DPH6: variants seen among roughly 807,000 people sequenced by gnomAD.
DPH6 encodes diphthine--ammonia ligase.
DPH6 carries 33 observed loss-of-function variants against 38.2 expected under a neutral mutation model. The ratio of observed to expected loss-of-function variants is 0.86; its 90% CI spans 0.65 to 1.15. The LOEUF is 1.15. Ranked by LOEUF, DPH6 falls within the 50% of genes most tolerant of loss-of-function variation. The probability of loss-of-function intolerance (pLI) is 0.00; values close to 1 mark genes in which losing one functional copy is unlikely to be tolerated. For synonymous variants in DPH6, 108 were observed against 103.0 expected (o/e 1.05, Z -0.30); for missense variants, 325 against 320.0 (o/e 1.02, Z -0.12).
chr15:35,317,001 T>C (rs947919136), intron 3 of DPH6, among the ~76,000 whole-genome samples: 2 of 152,198 alleles, frequency 1.3e-5, no homozygotes, highest in East Asian at 3.9e-4. Context: ...CTCAACCCTG[T>C]AATCCCAGCT....
intron 3 of DPH6, among the ~76,000 whole-genome samples, chr15:35,248,917 A>G (rs318334): frequency 6.6e-6 from 1 of 152,182 alleles, no homozygotes; most frequent in South Asian, 2.1e-4. Flanking sequence ...GCAAGTAATA[A>G]TTAAAGTTTC....
intron 3 of DPH6, among the ~76,000 whole-genome samples, chr15:35,295,274 A>G (rs1478646848): frequency 2.0e-5 from 3 of 152,128 alleles, no homozygotes; most frequent in Non-Finnish European, 2.9e-5. Context: ...CTTGGACCCT[A>G]TGGAAATCAG....
At chr15:35,311,665 CTT>C (rs901280696) in intron 3 of DPH6, among the ~76,000 whole-genome samples, 4 of 152,116 alleles carry the variant, frequency 2.6e-5, no homozygotes, top group East Asian at 1.9e-4. Flanking sequence ...GAAATGTTCT[CTT>C]GTTTTGACTT....
chr15:35,336,760 G>A (rs533590902), intron 3 of DPH6, among the ~76,000 whole-genome samples: 45 of 152,200 alleles, frequency 3.0e-4, no homozygotes, highest in African/African-American at 4.6e-4. Context: ...ATTGATTTGC[G>A]TATATTGAAA....
At chr15:35,237,343 G>T (rs2051560535) in intron 3 of DPH6, 2 of 1,593,694 alleles carry the variant, frequency 1.3e-6, no homozygotes, top group Middle Eastern at 3.3e-4. Flanking sequence ...TGGGCAGACG[G>T]ATTCATTTAG....
downstream of DPH6, among the ~76,000 whole-genome samples, chr15:35,329,870 T>C (rs907334443): frequency 2.0e-5 from 3 of 152,156 alleles, no homozygotes; most frequent in African/African-American, 7.2e-5. Flanking sequence ...CAGTAATGTG[T>C]TGAAAGAAAT....
chr15:35,150,162 C>T, the DPH6 span, among the ~76,000 whole-genome samples: 1 of 152,098 alleles, frequency 6.6e-6, no homozygotes, highest in African/African-American at 2.4e-5. Flanking sequence ...AAGATTTTTG[C>T]AAATAGAGAC....
intron 5 of DPH6, among the ~76,000 whole-genome samples, chr15:35,434,284 CT>C (rs1193726415): frequency 6.6e-6 from 1 of 152,050 alleles, no homozygotes; most frequent in Non-Finnish European, 1.5e-5. Flanking sequence ...ACTATTACAA[CT>C]TTGATGTTGA....
intron 6 of DPH6, among the ~76,000 whole-genome samples, chr15:35,391,061 G>C (rs1384403750): frequency 6.6e-6 from 1 of 152,178 alleles, no homozygotes; most frequent in East Asian, 1.9e-4. Flanking sequence ...CCTTCTAACA[G>C]TCAGGACCCT....
intron 3 of DPH6, among the ~76,000 whole-genome samples, chr15:35,229,799 T>A (rs1303211504): frequency 6.6e-6 from 1 of 152,220 alleles, no homozygotes; most frequent in Non-Finnish European, 1.5e-5. Context: ...TGTAGAGGTA[T>A]ACTGCCTTGA....
intron 5 of DPH6, among the ~76,000 whole-genome samples, chr15:35,415,629 C>A (rs2053426377): frequency 6.6e-6 from 1 of 151,912 alleles, no homozygotes; most frequent in South Asian, 2.1e-4. Flanking sequence ...ATATAAAACA[C>A]ACTGGGCACA....
rs556227347 is a variant in DPH6 at position 35,443,764 on chromosome 15, C to A, written c.505+6921G>T. Among the ~76,000 whole-genome samples the A allele has an allele frequency of 1.6e-4, 25 of 152,226 alleles. 2 individuals are homozygous for A. In the South Asian group the frequency reaches 5.0e-3, roughly 30 times the overall value. ...AAAGCTCATCTTTTAGCCTAGGTCC[C>A]AAGTTTCTGTAAAATTTGCTCAGAA... On this transcript the variant is annotated intron_variant, in intron 5 of 8. Coordinates refer to ENST00000256538, the MANE Select transcript of DPH6 (RefSeq NM_080650.4).
rs1236097880 is a variant in DPH6, at chr15:35,218,878, GA to G, written n.1904del. On this transcript the variant is annotated non_coding_transcript_exon_variant, in exon 4 of 4. Transcript: ENST00000560386. The stretch of plus-strand genomic sequence containing the variant: ...AAAAATGTATGTTTTCTTACACCAA[GA>G]GAGTCCATATTGAAATCCTTAAAAA... The G allele has an allele frequency of 2.6e-5, 4 of 152,098 alleles. No homozygotes were observed. The East Asian group carries it at 5.8e-4, about 22-fold the overall frequency. 9.4% of individuals were successfully genotyped at this position (152,098 alleles called of 1,614,324 possible).
chr15:35,503,152 CCTG>C lies in DPH6; in HGVS notation c.312+35119_312+35121del, dbSNP rs146460305. Among the ~76,000 whole-genome samples, 374 of 151,712 alleles carry C rather than the reference CCTG, an allele frequency of 2.5e-3. 1 individual carries two copies. The highest frequency in any genetic ancestry group is 8.5e-3 in the African/African-American group (352 of 41,434). On this transcript the variant is annotated intron_variant, in intron 3 of 8. Transcript: ENST00000256538. ...TAGAAATTTAATTTAGCAACTGTTGCCTGCTATGATTCCTAGAATGCTTTATTT... is the reference window on the plus strand; with the variant it reads ...TAGAAATTTAATTTAGCAACTGTTGCCTATGATTCCTAGAATGCTTTATTT...
intron 3 of DPH6, among the ~76,000 whole-genome samples, chr15:35,456,043 A>C (rs2053992022): frequency 6.6e-6 from 1 of 152,176 alleles, no homozygotes; most frequent in Admixed American, 6.5e-5. Context: ...ATGGAGAAAT[A>C]CCTGCCCAAA....
chr15:35,342,459 C>G (rs1376113721), intron 3 of DPH6, among the ~76,000 whole-genome samples: 1 of 152,180 alleles, frequency 6.6e-6, no homozygotes, highest in Non-Finnish European at 1.5e-5. Flanking sequence ...GCTGTTGTTC[C>G]ACCCTGCTTT....
chr15:35,349,307 C>T (rs1244366346), intron 3 of DPH6, among the ~76,000 whole-genome samples: 3 of 152,106 alleles, frequency 2.0e-5, no homozygotes, highest in Admixed American at 6.5e-5. Context: ...TCATATATGG[C>T]CTTTACCATA....
chr15:35,532,307 T>C (rs752182261), intron 3 of DPH6, among the ~76,000 whole-genome samples: 1 of 152,156 alleles, frequency 6.6e-6, no homozygotes, highest in Non-Finnish European at 1.5e-5. Context: ...GCCAACAACT[T>C]GGTAGACGAG....
At chr15:35,237,927 G>A in intron 3 of DPH6, 1 of 1,391,282 alleles carries the variant, frequency 7.2e-7, no homozygotes, top group Non-Finnish European at 1.0e-6. Flanking sequence ...GACGTGAGTG[G>A]AGAGGAGGAG....
Sources: allele counts gnomAD v4.1 joint callset (sites outside exome capture counted in the v4.1 genomes callset), GRCh38; gene constraint gnomAD v4.1.1; transcripts MANE v1.5; gene names NCBI Gene and HGNC (gene_info 2026-07-23, HGNC 2026-07-21).